SNRNP200: variants seen among roughly 807,000 people sequenced by gnomAD.
SNRNP200 encodes small nuclear ribonucleoprotein U5 subunit 200.
Under a neutral mutation model 255.2 loss-of-function variants are expected in SNRNP200, and 66 were observed. That is an observed-to-expected ratio of 0.26 (90% CI 0.21 to 0.32). The LOEUF (loss-of-function observed/expected upper bound fraction) is 0.32. Ranked by LOEUF, SNRNP200 falls within the 10% of genes least tolerant of loss-of-function variation. The pLI is 1.00. For synonymous variants in SNRNP200, 939 were observed against 1,027.8 expected (o/e 0.91, Z 1.65); for missense variants, 1,585 against 2,749.8 (o/e 0.58, Z 9.47).
At chr2:96,296,897 AT>A in intron 12 of SNRNP200, 35 bp downstream of exon 12, 1 of 1,614,066 alleles carries the variant, frequency 6.2e-7, no homozygotes, top group Non-Finnish European at 8.5e-7. Context: ...TCCACACCAT[AT>A]TCTACAAGAA....
intron 24 of SNRNP200, 93 bp downstream of exon 24, chr2:96,288,569 AG>A: frequency 9.2e-7 from 1 of 1,087,400 alleles, no homozygotes; most frequent in South Asian, 1.3e-5. Context: ...CCATCTCACT[AG>A]GGTCGGGCCT....
rs2063912907 is a variant in SNRNP200, at chr2:96,295,727, C to T, written c.1672-69G>A. ...CTGGACACCATGCTTTCTGTTTGGG[C>T]AATTGGAGTGTAGGGCATTGGGAGC... On this transcript the variant is annotated intron_variant, in intron 13 of 44. Coordinates refer to ENST00000323853, the MANE Select transcript of SNRNP200 (RefSeq NM_014014.5). 7 of 1,554,714 alleles carry T rather than the reference C, an allele frequency of 4.5e-6. No homozygotes were observed. The South Asian group carries it at 8.0e-5, about 18-fold the overall frequency.
At chr2:96,301,079 G>T in intron 4 of SNRNP200, 26 bp from the exon 5 acceptor site, 1 of 1,609,960 alleles carries the variant, frequency 6.2e-7, no homozygotes, top group South Asian at 1.1e-5. Context: ...ATTAGAAAAA[G>T]AGGGCAGTGA....
chr2:96,282,048 G>C (rs1370936849), intron 34 of SNRNP200, 126 bp from the exon 35 acceptor site: 6 of 716,106 alleles, frequency 8.4e-6, no homozygotes, highest in Non-Finnish European at 1.5e-5. Flanking sequence ...GGCTGGCTAG[G>C]AACAAGGTCT....
At chr2:96,296,203 T>C (rs2063915763) in intron 13 of SNRNP200, among the ~76,000 whole-genome samples, 1 of 152,164 alleles carries the variant, frequency 6.6e-6, no homozygotes, top group Non-Finnish European at 1.5e-5. Flanking sequence ...AGACCTACAA[T>C]ACACCACTAG....
intron 8 of SNRNP200, 24 bp from the exon 9 acceptor site, chr2:96,298,444 G>A (rs368303493): frequency 2.5e-6 from 4 of 1,614,004 alleles, no homozygotes; most frequent in Admixed American, 3.3e-5. Flanking sequence ...AAGGAACAAA[G>A]GAAGTGAGGA....
intron 14 of SNRNP200, among the ~76,000 whole-genome samples, chr2:96,295,086 G>A (rs2104354670): frequency 6.6e-6 from 1 of 152,280 alleles, no homozygotes; most frequent in Non-Finnish European, 1.5e-5. Context: ...GCAGGCGCCT[G>A]TAATTCCAGC....
chr2:96,297,127 T>G, intron 11 of SNRNP200, 57 bp from the exon 12 acceptor site: 1 of 1,612,540 alleles, frequency 6.2e-7, no homozygotes, highest in Non-Finnish European at 8.5e-7. Context: ...AGCAAAACGT[T>G]ATTGTGGGAT....
At chr2:96,299,026 C>T (rs1306543621) in intron 6 of SNRNP200, 59 bp from the exon 7 acceptor site, 1 of 1,604,872 alleles carries the variant, frequency 6.2e-7, no homozygotes, top group East Asian at 2.2e-5. Context: ...ATCACTTTGC[C>T]ACCACCCTGC....
chr2:96,298,452 G>A (rs898462982), intron 8 of SNRNP200, 32 bp from the exon 9 acceptor site: 1 of 1,613,682 alleles, frequency 6.2e-7, no homozygotes, highest in African/African-American at 1.3e-5. Flanking sequence ...AAGGAAGTGA[G>A]GAGGAGGAAA....
chr2:96,276,642 G>A (rs914631642), intron 43 of SNRNP200: 8 of 473,678 alleles, frequency 1.7e-5, no homozygotes, highest in East Asian at 4.6e-5. Flanking sequence ...GGCTGGTCTC[G>A]AACTCCTGAC....
rs201097488 is a variant in SNRNP200 at position 96,293,443 on chromosome 2, G to C, written c.1909C>G (p.Arg637Gly). The C allele has an allele frequency of 2.5e-6, 4 of 1,613,118 alleles. No individual in the cohort carries two copies. The highest frequency in any genetic ancestry group is 3.3e-5 in the Admixed American group (2 of 60,024). Residue 637 changes from arginine (R) to glycine (G), a missense_variant, in exon 15 of 45, where the codon CGA (arginine) becomes GGA (glycine). Arg to Gly is a moderately radical substitution (Grantham distance 125, BLOSUM62 -2). Coordinates refer to ENST00000323853, the MANE Select transcript of SNRNP200 (RefSeq NM_014014.5). The part of the protein sequence containing the change: ...VLEALVARAI[R>G]NIEMTQEDVR... ...TCCTCTTGGGTCATCTCAATGTTTC[G>C]GATGGCCCTGGCCACTAAAGCTTCT...
chr2:96,305,481 C>T lies in SNRNP200; in HGVS notation c.-44G>A, dbSNP rs755287483. 6.2e-7 allele frequency: 1 copy of T among 1,613,072 alleles called. No homozygotes were observed. The highest frequency in any genetic ancestry group is 8.5e-7 in the Non-Finnish European group (1 of 1,179,890). ...GCTTCAGACCACCACGCCTCCCTACCGCAAGCTGCAAACGGCCGCAGATCT... is the reference window on the plus strand; with the variant it reads ...GCTTCAGACCACCACGCCTCCCTACTGCAAGCTGCAAACGGCCGCAGATCT... On this transcript the variant is annotated 5_prime_UTR_variant, in exon 1 of 45. Coordinates refer to ENST00000323853, the MANE Select transcript of SNRNP200 (RefSeq NM_014014.5).
intron 34 of SNRNP200, 31 bp from the exon 35 acceptor site, chr2:96,281,953 G>A (rs1343130253): frequency 6.4e-7 from 1 of 1,558,762 alleles, no homozygotes; most frequent in African/African-American, 1.4e-5. Context: ...GAAGGCTGAG[G>A]GCAGGGGTCT....
chr2:96,286,170 T>A lies in SNRNP200; in HGVS notation c.4003+141A>T. On this transcript the variant is annotated intron_variant, in intron 29 of 44. Transcript: ENST00000323853. The surrounding 1 kb of genome is among the most constrained non-coding windows in gnomAD (Gnocchi z 4.8). ...CAAAGGCTTCTGACAAAGGAAAAAG[T>A]CCTGGTGGGTCCCAGCGGTCACACT... 1 of 836,498 alleles carries A rather than the reference T, an allele frequency of 1.2e-6. No individual in the cohort carries two copies. Among genetic ancestry groups the A allele is most frequent in the Non-Finnish European group, 2.1e-6 (1 of 485,762 alleles). The allele number at this position is 836,498 out of a possible 1,614,324, so 51.8% of individuals were successfully genotyped here.
rs2104350374 is a variant in SNRNP200, at chr2:96,291,533, G to A, written c.2311-31C>T. 1 of 1,457,574 alleles carries A rather than the reference G, an allele frequency of 6.9e-7. No homozygotes were observed. 90.3% of individuals were successfully genotyped at this position (1,457,574 alleles called of 1,614,324 possible). On this transcript the variant is annotated intron_variant, in intron 17 of 44. Coordinates refer to ENST00000323853, the MANE Select transcript of SNRNP200 (RefSeq NM_014014.5). This position sits in a 1 kb window ranked among gnomAD's most constrained non-coding sequence, Gnocchi z 4.2. ...GAACAAAGAACCGGGGATGAGGCGA[G>A]CCTTCCTGTAGGACTCATCCAAGGA...
chr2:96,275,785 G>A (rs1467659876), intron 43 of SNRNP200, among the ~76,000 whole-genome samples: 1 of 152,222 alleles, frequency 6.6e-6, no homozygotes, highest in African/African-American at 2.4e-5. Flanking sequence ...GGTGGATCAC[G>A]AGGCCAGGAG....
At position 96,296,620 on chromosome 2, in the gene SNRNP200, G is replaced by T. The variant is rs1264797772; in HGVS notation, c.1587C>A (p.Gly529=). ...TCTTGAAGTCATCCACATTGATGGT[G>T]CCGTCCATGTTTATGTGTTTCCCAA... ...REIGKHINMD[G]TINVDDFKII... Residue 529 remains glycine (G), a synonymous_variant, in exon 13 of 45, where the codon GGC becomes GGA. Coordinates refer to ENST00000323853, the MANE Select transcript of SNRNP200 (RefSeq NM_014014.5). The T allele has an allele frequency of 1.2e-6, 2 of 1,614,046 alleles. No individual in the cohort carries two copies. The highest frequency in any genetic ancestry group is 1.7e-6 in the Non-Finnish European group (2 of 1,179,946).
chr2:96,280,418 A>G (rs1346171694), intron 35 of SNRNP200, among the ~76,000 whole-genome samples: 1 of 151,968 alleles, frequency 6.6e-6, no homozygotes, highest in East Asian at 1.9e-4. Context: ...TGATTGCTTG[A>G]GCCTGGCAGG....
Sources: gnomAD v4.1 joint callset for allele counts (sites outside exome capture counted in the v4.1 genomes callset) on GRCh38, gnomAD v4.1.1 for gene constraint, Gnocchi (gnomAD v3.1) non-coding constraint, MANE v1.5 for transcripts, NCBI Gene and HGNC (gene_info 2026-07-23, HGNC 2026-07-21) for gene names.